SLC4A1AP: variants seen among roughly 807,000 people sequenced by gnomAD.
SLC4A1AP encodes solute carrier family 4 member 1 adaptor protein.
A neutral mutation model predicts 89.7 loss-of-function variants in SLC4A1AP; 64 were observed. The observed-to-expected ratio is 0.71, with a 90% CI of 0.58 to 0.88. SLC4A1AP has a LOEUF of 0.88. SLC4A1AP is among the 40% of genes least tolerant of loss of function. The pLI is 0.00. For synonymous variants in SLC4A1AP, 366 were observed against 353.3 expected (o/e 1.04, Z -0.40); for missense variants, 931 against 965.0 (o/e 0.96, Z 0.47).
intron 12 of SLC4A1AP, among the ~76,000 whole-genome samples, chr2:27,689,770 A>G (rs1005039165): frequency 5.9e-5 from 9 of 152,242 alleles, no homozygotes; most frequent in African/African-American, 1.9e-4. Context: ...TTAGGGTAGC[A>G]GAAACCTTCC....
intron 3 of SLC4A1AP, 152 bp from the exon 4 acceptor site, chr2:27,668,691 C>A: frequency 1.3e-6 from 1 of 745,442 alleles, no homozygotes; most frequent in Non-Finnish European, 2.4e-6. Flanking sequence ...CTCAAGCTGT[C>A]ATCCCGCCTC....
intron 5 of SLC4A1AP, among the ~76,000 whole-genome samples, chr2:27,670,926 T>C (rs1371943681): frequency 3.5e-5 from 5 of 144,098 alleles, no homozygotes; most frequent in East Asian, 2.0e-4. Flanking sequence ...TCTTTTCTTT[T>C]TTTTTTTTTT....
rs527928922 is a variant in SLC4A1AP at position 27,684,383 on chromosome 2, G to A, written c.1876-654G>A. 2.0e-5 allele frequency among the ~76,000 whole-genome samples: 3 copies of A among 147,724 alleles called. No individual in the cohort carries two copies. In the South Asian group the frequency reaches 6.4e-4, roughly 32 times the overall value. On this transcript the variant is annotated intron_variant, in intron 9 of 13. Transcript: ENST00000613058. Reference sequence around the variant, plus strand: ...GCAGAGGTTTCAGTGAGCTGAGATCGCACCACTGCACTCCAGCTTGGGCCA... The same window carrying A: ...GCAGAGGTTTCAGTGAGCTGAGATCACACCACTGCACTCCAGCTTGGGCCA...
chr2:27,677,179 A>G, intron 6 of SLC4A1AP, 116 bp from the exon 7 acceptor site: 1 of 760,916 alleles, frequency 1.3e-6, no homozygotes. Context: ...TAGCAGTTTA[A>G]CTGGACTTTT....
chr2:27,687,777 CAT>C (rs1373706261), intron 10 of SLC4A1AP, among the ~76,000 whole-genome samples, 155 bp from the exon 11 acceptor site: 1 of 152,046 alleles, frequency 6.6e-6, no homozygotes, highest in African/African-American at 2.4e-5. Context: ...ACATTTGAAA[CAT>C]ATTTATTTAA....
At chr2:27,686,696 C>A (rs868717953) in intron 10 of SLC4A1AP, among the ~76,000 whole-genome samples, 4 of 152,122 alleles carry the variant, frequency 2.6e-5, no homozygotes, top group Non-Finnish European at 5.9e-5. Context: ...ATTGCTTGAA[C>A]CCGGGAGACA....
exon 1 of SLC4A1AP, chr2:27,664,433 C>A (rs781237700): frequency 2.5e-6 from 4 of 1,614,222 alleles, no homozygotes; most frequent in Non-Finnish European, 3.4e-6. Flanking sequence ...GCGACAGCAA[C>A]GGGCCGGGCT....
At chr2:27,676,283 G>A (rs902454117) in intron 6 of SLC4A1AP, among the ~76,000 whole-genome samples, 1 of 152,222 alleles carries the variant, frequency 6.6e-6, no homozygotes, top group Non-Finnish European at 1.5e-5. Context: ...TCAATCCTAC[G>A]ACATCTGTCA....
At chr2:27,674,223 G>T (rs922812972) in intron 5 of SLC4A1AP, among the ~76,000 whole-genome samples, 6 of 151,874 alleles carry the variant, frequency 4.0e-5, no homozygotes, top group African/African-American at 1.5e-4. Flanking sequence ...ATTTGGCTTT[G>T]GTCCTATGAC....
At chr2:27,665,112 G>A in exon 2 of SLC4A1AP, 1 of 1,611,590 alleles carries the variant, frequency 6.2e-7, no homozygotes, top group Non-Finnish European at 8.5e-7. Flanking sequence ...ACCAGAGGAA[G>A]ACCGAGAGGC....
chr2:27,664,063 G>C, exon 1 of SLC4A1AP: 1 of 1,614,178 alleles, frequency 6.2e-7, no homozygotes, highest in Non-Finnish European at 8.5e-7. Flanking sequence ...CAGAAGGAAG[G>C]GCCCACTGCG....
intron 10 of SLC4A1AP, 140 bp downstream of exon 10, chr2:27,685,417 C>CT: frequency 8.9e-7 from 1 of 1,126,028 alleles, no homozygotes; most frequent in Non-Finnish European, 1.2e-6. Flanking sequence ...AGGAAACATA[C>CT]TTTCTTGGTC....
intron 8 of SLC4A1AP, among the ~76,000 whole-genome samples, chr2:27,678,843 C>T (rs1675566503): frequency 6.6e-6 from 1 of 151,570 alleles, no homozygotes; most frequent in South Asian, 2.1e-4. Flanking sequence ...CTCAGCCTCC[C>T]AAGTAGCTGG....
At chr2:27,690,483 T>C (rs1219918080) in intron 12 of SLC4A1AP, among the ~76,000 whole-genome samples, 1 of 152,116 alleles carries the variant, frequency 6.6e-6, no homozygotes, top group Non-Finnish European at 1.5e-5. Flanking sequence ...AATTTTATTT[T>C]TTATTTTTAT....
intron 11 of SLC4A1AP, among the ~76,000 whole-genome samples, chr2:27,688,463 A>G (rs1468904336): frequency 6.6e-6 from 1 of 152,204 alleles, no homozygotes; most frequent in African/African-American, 2.4e-5. Context: ...ACTTGTTCGC[A>G]TAATGTGGTT....
chr2:27,685,057 A>G, exon 10 of SLC4A1AP: 2 of 1,610,232 alleles, frequency 1.2e-6, no homozygotes, highest in Non-Finnish European at 1.7e-6. Context: ...CCAAGCGTCC[A>G]GAACTCCCTC....
At chr2:27,690,837 A>G (rs892810669) in intron 12 of SLC4A1AP, among the ~76,000 whole-genome samples, 28 of 152,048 alleles carry the variant, frequency 1.8e-4, no homozygotes, top group Admixed American at 7.2e-4. Context: ...ATTGACTTGC[A>G]TATGTTAAAC....
chr2:27,675,446 C>T, intron 5 of SLC4A1AP, 86 bp from the exon 6 acceptor site: 1 of 872,446 alleles, frequency 1.1e-6, no homozygotes, highest in South Asian at 2.2e-5. Context: ...TTGATGGTGA[C>T]ATTTTAAGCT....
intron 2 of SLC4A1AP, among the ~76,000 whole-genome samples, chr2:27,666,359 A>ACCCCCCCCC (rs1553363258): frequency 3.0e-4 from 1 of 3,358 alleles, no homozygotes; most frequent in Non-Finnish European, 9.0e-4. Context: ...TCCACCCCCC[A>ACCCCCCCCC]CCCCCCCCCC....
Sources: gnomAD v4.1 joint callset for allele counts (sites outside exome capture counted in the v4.1 genomes callset) on GRCh38, gnomAD v4.1.1 for gene constraint, MANE v1.5 for transcripts, NCBI Gene and HGNC (gene_info 2026-07-23, HGNC 2026-07-21) for gene names.